WDR25: variants seen among roughly 807,000 people sequenced by gnomAD.
The protein encoded by WDR25 is WD repeat domain 25, also known as WD repeat-containing protein 25.
A neutral mutation model predicts 47.7 loss-of-function variants in WDR25; 35 were observed. The observed-to-expected ratio is 0.73, with a 90% CI of 0.56 to 0.97. The LOEUF is 0.97. WDR25 is among the 50% of genes least tolerant of loss of function. The pLI is 0.00. For synonymous variants in WDR25, 248 were observed against 278.9 expected (o/e 0.89, Z 1.10); for missense variants, 634 against 704.7 (o/e 0.90, Z 1.14).
chr14:100,529,414 G>A lies in WDR25; in HGVS notation c.1413+206G>A, dbSNP rs1434906107. On this transcript the variant is annotated intron_variant, in intron 6 of 6. Coordinates refer to ENST00000402312, the MANE Select transcript of WDR25 (RefSeq NM_001161476.3). This position sits in a 1 kb window ranked among gnomAD's most constrained non-coding sequence, Gnocchi z 5.1. ...CCTCACCCCAGGCCCCACGTACTGG[G>A]CAGGAAGCAGTAGTTGGCTCACACA... is the stretch of plus-strand genomic sequence containing the variant. The A allele has an allele frequency of 5.4e-6, 4 of 743,260 alleles. No homozygotes were observed. The highest frequency in any genetic ancestry group is 2.9e-5 in the Admixed American group (1 of 34,572). 46.0% of individuals were successfully genotyped at this position (743,260 alleles called of 1,614,324 possible).
chr14:100,412,082 C>T (rs1897725215), intron 2 of WDR25, among the ~76,000 whole-genome samples: 1 of 151,872 alleles, frequency 6.6e-6, no homozygotes, highest in African/African-American at 2.4e-5. Flanking sequence ...TTGTGGGCTC[C>T]TGTAGTCTCA....
chr14:100,417,945 CTT>C (rs1259298049), intron 2 of WDR25, among the ~76,000 whole-genome samples: 15 of 143,502 alleles, frequency 1.0e-4, no homozygotes, highest in South Asian at 2.2e-4. Flanking sequence ...TTGCTTATGT[CTT>C]TTTTTTTTTT....
chr14:100,434,209 CA>C, intron 2 of WDR25, among the ~76,000 whole-genome samples: 1 of 152,302 alleles, frequency 6.6e-6, no homozygotes, highest in Admixed American at 6.5e-5. Context: ...TATACATGCA[CA>C]CATGCCTCTA....
intron 2 of WDR25, among the ~76,000 whole-genome samples, chr14:100,459,302 G>A (rs1001294214): frequency 6.6e-6 from 1 of 152,082 alleles, no homozygotes; most frequent in Non-Finnish European, 1.5e-5. Flanking sequence ...CTTGAAAGAC[G>A]CAAACAATAA....
chr14:100,444,935 G>T (rs142033323), intron 2 of WDR25, among the ~76,000 whole-genome samples: 24 of 152,288 alleles, frequency 1.6e-4, no homozygotes, highest in Middle Eastern at 3.4e-3. Flanking sequence ...GGGAAGATTA[G>T]CCCCGTTTTC....
At position 100,424,077 on chromosome 14, in the gene WDR25, C is replaced by T. The variant is rs576498108; in HGVS notation, c.822+42331C>T. Among the ~76,000 whole-genome samples, 1 of 152,336 alleles carries T rather than the reference C, an allele frequency of 6.6e-6. No individual in the cohort carries two copies. The highest frequency in any genetic ancestry group is 1.5e-5 in the Non-Finnish European group (1 of 68,026). ...CAGCCAGGTGTGCCACAGGCCATCTCGCAGGGCCTCCCTGTACCAACCAGA... is the reference window on the plus strand; with the variant it reads ...CAGCCAGGTGTGCCACAGGCCATCTTGCAGGGCCTCCCTGTACCAACCAGA... On this transcript the variant is annotated intron_variant, in intron 2 of 6. Coordinates refer to ENST00000402312, the MANE Select transcript of WDR25 (RefSeq NM_001161476.3). The surrounding 1 kb of genome is among the most constrained non-coding windows in gnomAD (Gnocchi z 4.2).
intron 4 of WDR25, among the ~76,000 whole-genome samples, chr14:100,508,701 ACAAT>A (rs553146170): frequency 6.4e-4 from 97 of 152,296 alleles, no homozygotes; most frequent in African/African-American, 2.3e-3. Context: ...TGTAGGGAAA[ACAAT>A]CAGTCTTTTA....
intron 4 of WDR25, among the ~76,000 whole-genome samples, chr14:100,486,665 G>T (rs912669117): frequency 6.6e-6 from 1 of 152,204 alleles, no homozygotes; most frequent in Non-Finnish European, 1.5e-5. Flanking sequence ...ATCCCTGTGG[G>T]CTCCTGTGGC....
intron 1 of WDR25, chr14:100,376,794 T>A: frequency 1.7e-6 from 2 of 1,193,496 alleles, no homozygotes; most frequent in Non-Finnish European, 2.1e-6. Context: ...AGACCCAGCA[T>A]AGGGCTTGAC....
At chr14:100,420,071 G>A (rs561643560) in intron 2 of WDR25, among the ~76,000 whole-genome samples, 124 of 152,344 alleles carry the variant, frequency 8.1e-4, no homozygotes, top group Non-Finnish European at 1.6e-3. Flanking sequence ...CTGTGGCTAT[G>A]AGCAGCCTCC....
At position 100,392,163 on chromosome 14, in the gene WDR25, G is replaced by A. The variant is rs1264129563; in HGVS notation, c.822+10417G>A. Among the ~76,000 whole-genome samples, 3 of 151,946 alleles carry A rather than the reference G, an allele frequency of 2.0e-5. No individual in the cohort carries two copies. The highest frequency in any genetic ancestry group is 6.6e-5 in the Admixed American group (1 of 15,260). On this transcript the variant is annotated intron_variant, in intron 2 of 6. Coordinates refer to ENST00000402312, the MANE Select transcript of WDR25 (RefSeq NM_001161476.3). The surrounding 1 kb of genome is among the most constrained non-coding windows in gnomAD (Gnocchi z 4.2). ...TGTCCTCAGTTTTCACTTCTAATAC[G>A]CGAAGTACCCATAGCTATAATCCGA... is the stretch of plus-strand genomic sequence containing the variant.
chr14:100,434,419 C>G (rs1898437269), intron 2 of WDR25, among the ~76,000 whole-genome samples: 1 of 152,170 alleles, frequency 6.6e-6, no homozygotes, highest in East Asian at 1.9e-4. Context: ...TTCAAAATTG[C>G]TAACTTCTGC....
chr14:100,522,770 C>G (rs1220135442), intron 4 of WDR25, among the ~76,000 whole-genome samples: 12 of 152,238 alleles, frequency 7.9e-5, no homozygotes. Flanking sequence ...GGCTGCCACG[C>G]TCAGGTCCCC....
At chr14:100,445,351 A>G (rs1898798462) in intron 2 of WDR25, among the ~76,000 whole-genome samples, 1 of 152,240 alleles carries the variant, frequency 6.6e-6, no homozygotes, top group South Asian at 2.1e-4. Flanking sequence ...AAGAAAAATG[A>G]TGCTGAACTC....
rs367904002 is a variant in WDR25 at position 100,473,511 on chromosome 14, T to G, written c.970+5343T>G. The stretch of plus-strand genomic sequence containing the variant: ...GCCTGCTGGGCAGCAGCTGGCCACC[T>G]GCAGAGGATAACATGGGGCCTCTGG... On this transcript the variant is annotated intron_variant, in intron 3 of 6. Transcript: ENST00000402312. 1.1e-4 allele frequency among the ~76,000 whole-genome samples: 17 copies of G among 152,292 alleles called. No individual in the cohort carries two copies. The East Asian group carries it at 2.1e-3, about 19-fold the overall frequency.
chr14:100,431,632 C>T (rs997233518), intron 2 of WDR25, among the ~76,000 whole-genome samples: 8 of 150,366 alleles, frequency 5.3e-5, no homozygotes, highest in African/African-American at 1.7e-4. Flanking sequence ...CTGCAACCTC[C>T]GACTCTGGGG....
intron 2 of WDR25, among the ~76,000 whole-genome samples, chr14:100,386,825 G>A (rs1006892665): frequency 3.9e-5 from 6 of 152,034 alleles, no homozygotes; most frequent in Non-Finnish European, 7.4e-5. Flanking sequence ...CCCAGGAGGC[G>A]GAGCTTGCAG....
intron 4 of WDR25, chr14:100,504,368 A>G (rs1051579152): frequency 6.6e-6 from 1 of 152,086 alleles, no homozygotes; most frequent in South Asian, 2.1e-4. Context: ...TTTTCTTATA[A>G]CTTATTTATT....
Position 100,529,678 on chromosome 14 carries a change from G to A in WDR25, c.1414-142G>A. ...TCTACAGCCTCATGGGCGGGACCTG[G>A]GCTTTGGCCTCAGGGACACGAGGTG... On this transcript the variant is annotated intron_variant, in intron 6 of 6. Coordinates refer to ENST00000402312, the MANE Select transcript of WDR25 (RefSeq NM_001161476.3). This position sits in a 1 kb window ranked among gnomAD's most constrained non-coding sequence, Gnocchi z 5.1. 1 of 924,444 alleles carries A rather than the reference G, an allele frequency of 1.1e-6. No individual in the cohort carries two copies. The highest frequency in any genetic ancestry group is 1.6e-6 in the Non-Finnish European group (1 of 623,804). 57.3% of individuals were successfully genotyped at this position (924,444 alleles called of 1,614,324 possible).
Sources: gnomAD v4.1 joint callset for allele counts (sites outside exome capture counted in the v4.1 genomes callset) on GRCh38, gnomAD v4.1.1 for gene constraint, Gnocchi (gnomAD v3.1) non-coding constraint, MANE v1.5 for transcripts, NCBI Gene and HGNC (gene_info 2026-07-23, HGNC 2026-07-21) for gene names.